GREB1: variants seen among roughly 807,000 people sequenced by gnomAD.
GREB1 encodes the protein protein GREB1.
Under a neutral mutation model 200.7 loss-of-function variants are expected in GREB1, and 106 were observed. The ratio of observed to expected loss-of-function variants is 0.53; its 90% CI spans 0.45 to 0.62. The LOEUF is 0.62. Ranked by LOEUF, GREB1 falls within the 20% of genes least tolerant of loss-of-function variation. GREB1 has a pLI of 0.00. For synonymous variants in GREB1, 1,132 were observed against 1,092.4 expected (o/e 1.04, Z -0.72); for missense variants, 2,243 against 2,556.8 (o/e 0.88, Z 2.65).
chr2:11,632,484 G>A (rs7584189), intron 27 of GREB1, among the ~76,000 whole-genome samples: 67,362 of 151,486 alleles, frequency 0.44, 15,420 homozygotes, highest in Non-Finnish European at 0.5. Context: ...AATTACAGGC[G>A]CCAGCCATGA....
intron 1 of GREB1, among the ~76,000 whole-genome samples, chr2:11,513,816 G>C (rs1352079399): frequency 6.6e-6 from 1 of 152,182 alleles, no homozygotes; most frequent in African/African-American, 2.4e-5. Flanking sequence ...ATCCTGGCTT[G>C]GTAGGATGCA....
chr2:11,594,688 T>TTTG (rs36063871), intron 11 of GREB1, among the ~76,000 whole-genome samples: 90,083 of 150,814 alleles, frequency 0.6, 28,745 homozygotes, highest in African/African-American at 0.85. Flanking sequence ...TTCTGTGTTT[T>TTTG]TTGTTGTTGT....
At chr2:11,557,039 C>T (rs1232439044) in intron 2 of GREB1, among the ~76,000 whole-genome samples, 2 of 152,186 alleles carry the variant, frequency 1.3e-5, no homozygotes, top group Non-Finnish European at 2.9e-5. Flanking sequence ...GTTACTTATG[C>T]TCTTATTAGA....
intron 24 of GREB1, among the ~76,000 whole-genome samples, chr2:11,625,878 T>C (rs7602035): frequency 0.14 from 21,773 of 152,152 alleles, 1,887 homozygotes; most frequent in African/African-American, 0.24. Flanking sequence ...TGACTCACAG[T>C]TCCACGTGGC....
At chr2:11,616,510 G>A in intron 20 of GREB1, 121 bp from the exon 21 acceptor site, 2 of 729,484 alleles carry the variant, frequency 2.7e-6, no homozygotes, top group South Asian at 3.1e-5. Flanking sequence ...AGATGGCAGT[G>A]AATGAGTAAA....
Position 11,585,745 on chromosome 2 carries a change from T to A in GREB1, c.1016-17T>A. 6.2e-7 allele frequency: 1 copy of A among 1,612,330 alleles called. No homozygotes were observed. The highest frequency in any genetic ancestry group is 1.1e-5 in the South Asian group (1 of 91,000). ...GCCTTGTCTGATGTTTTCACTAATA[T>A]TCTTGGGTGTTCCTAGAGAGCGCAG... On this transcript the variant is annotated splice_polypyrimidine_tract_variant and intron_variant, in intron 8 of 32. Coordinates refer to ENST00000381486, the MANE Select transcript of GREB1 (RefSeq NM_014668.4).
chr2:11,502,448 C>G (rs1399178972), intron 1 of GREB1, among the ~76,000 whole-genome samples: 1 of 150,768 alleles, frequency 6.6e-6, no homozygotes, highest in Non-Finnish European at 1.5e-5. Flanking sequence ...TCTTGAACTC[C>G]TGGGCTTAAG....
intron 11 of GREB1, 43 bp from the exon 12 acceptor site, chr2:11,595,208 A>C: frequency 6.4e-7 from 1 of 1,574,390 alleles, no homozygotes; most frequent in Non-Finnish European, 8.7e-7. Context: ...GCCCGTAAGC[A>C]GGGAAGATAC....
chr2:11,540,968 G>T (rs928363206), intron 1 of GREB1, among the ~76,000 whole-genome samples: 1 of 152,240 alleles, frequency 6.6e-6, no homozygotes, highest in African/African-American at 2.4e-5. Flanking sequence ...GGACTCACCA[G>T]AAGTAAGTCA....
intron 22 of GREB1, among the ~76,000 whole-genome samples, chr2:11,620,012 C>T (rs1683869738): frequency 6.6e-6 from 1 of 152,342 alleles, no homozygotes; most frequent in South Asian, 2.1e-4. Context: ...GAGTCTCGCT[C>T]TGTCGCCAGG....
intron 2 of GREB1, among the ~76,000 whole-genome samples, chr2:11,557,703 G>A (rs1676568888): frequency 6.6e-6 from 1 of 152,202 alleles, no homozygotes; most frequent in Non-Finnish European, 1.5e-5. Context: ...CTGTGTCATT[G>A]TTTAAAACAT....
intron 21 of GREB1, among the ~76,000 whole-genome samples, chr2:11,617,030 C>T (rs917758420): frequency 5.9e-5 from 9 of 152,176 alleles, no homozygotes; most frequent in Admixed American, 5.9e-4. Flanking sequence ...GGGGCGGGTC[C>T]CCGGGTGTTC....
intron 1 of GREB1, among the ~76,000 whole-genome samples, chr2:11,499,058 A>G (rs1289930361): frequency 6.6e-6 from 1 of 152,238 alleles, no homozygotes; most frequent in African/African-American, 2.4e-5. Context: ...CAGATAAGCA[A>G]CATGTATCTG....
chr2:11,625,610 T>A lies in GREB1; in HGVS notation c.4306+298T>A, dbSNP rs1229689083. Among the ~76,000 whole-genome samples the A allele has an allele frequency of 2.0e-5, 3 of 152,188 alleles. No individual in the cohort carries two copies. In the East Asian group the frequency reaches 5.8e-4, roughly 29 times the overall value. On this transcript the variant is annotated intron_variant, in intron 24 of 32. Transcript: ENST00000381486. ...AGGATAAAAGACGTGTATGTTTACT[T>A]ATTAATTTGGAGTTATCAAAACGAG... is the stretch of plus-strand genomic sequence containing the variant.
At chr2:11,612,283 C>T (rs1179823488) in intron 18 of GREB1, 2 of 1,267,582 alleles carry the variant, frequency 1.6e-6, no homozygotes, top group Non-Finnish European at 2.0e-6. Flanking sequence ...CTTGGACATG[C>T]TCTGGCTGGC....
chr2:11,635,303 G>A lies in GREB1; in HGVS notation c.5244G>A (p.Arg1748=). The A allele has an allele frequency of 1.9e-6, 3 of 1,614,112 alleles. No homozygotes were observed. The highest frequency in any genetic ancestry group is 2.5e-6 in the Non-Finnish European group (3 of 1,179,988). Residue 1748 remains arginine (R), a synonymous_variant, in exon 30 of 33, where the codon CGG becomes CGA. Transcript: ENST00000381486. ...GTGACGATGTAGACTTCAACCTGCGGGTGCACAGCGCCGGCCTCCTGCTCT... is the reference window on the plus strand; with the variant it reads ...GTGACGATGTAGACTTCAACCTGCGAGTGCACAGCGCCGGCCTCCTGCTCT... ...FLCDDVDFNL[R]VHSAGLLLCR...
chr2:11,601,017 G>T (rs1385442801), intron 16 of GREB1, 22 bp downstream of exon 16: 1 of 1,590,972 alleles, frequency 6.3e-7, no homozygotes, highest in African/African-American at 1.3e-5. Flanking sequence ...GGGGCTGCTG[G>T]GCCCTTGTGT....
At chr2:11,615,437 G>T in intron 20 of GREB1, 147 bp downstream of exon 20, 1 of 645,010 alleles carries the variant, frequency 1.6e-6, no homozygotes, top group Non-Finnish European at 2.7e-6. Flanking sequence ...GGCTCTGGAT[G>T]AGAGGTCTCC....
Position 11,629,850 on chromosome 2 carries a change from C to G in GREB1, c.4450-98C>G. ...TTCTTGTGCTGTAGGGAAGTGGTGA[C>G]TGTGAGCTGCACGTTGTCACAGCAG... is the stretch of plus-strand genomic sequence containing the variant. On this transcript the variant is annotated intron_variant, in intron 25 of 32. Coordinates refer to ENST00000381486, the MANE Select transcript of GREB1 (RefSeq NM_014668.4). This position sits in a 1 kb window ranked among gnomAD's most constrained non-coding sequence, Gnocchi z 5.2. 8.3e-7 allele frequency: 1 copy of G among 1,209,526 alleles called. No homozygotes were observed. Among genetic ancestry groups the G allele is most frequent in the Non-Finnish European group, 1.2e-6 (1 of 838,872 alleles). The allele number at this position is 1,209,526 out of a possible 1,614,324, so 74.9% of individuals were successfully genotyped here.
Sources: gnomAD v4.1 joint callset for allele counts (sites outside exome capture counted in the v4.1 genomes callset) on GRCh38, gnomAD v4.1.1 for gene constraint, Gnocchi (gnomAD v3.1) non-coding constraint, MANE v1.5 for transcripts, NCBI Gene and HGNC (gene_info 2026-07-23, HGNC 2026-07-21) for gene names.